The following CYP19A1 variants were observed in gnomAD, a reference collection of about 807,000 sequenced individuals.
CYP19A1 encodes cytochrome P450 family 19 subfamily A member 1.
In CYP19A1, 32 loss-of-function variants were observed where a neutral mutation model predicts 44.4. The observed-to-expected ratio is 0.72, with a 90% CI of 0.54 to 0.97. The LOEUF (loss-of-function observed/expected upper bound fraction) is 0.97. Ranked by LOEUF, CYP19A1 falls within the 50% of genes least tolerant of loss-of-function variation. CYP19A1 has a pLI of 0.00. For missense variants in CYP19A1, 598 were observed against 637.8 expected, an observed-to-expected ratio of 0.94 and a Z score of 0.67; for synonymous variants, 212 against 215.6, an observed-to-expected ratio of 0.98 and a Z score of 0.14.
chr15:51,336,002 T>A (rs1356019022), intron 1 of CYP19A1, among the ~76,000 whole-genome samples: 1 of 152,226 alleles, frequency 6.6e-6, no homozygotes, highest in Non-Finnish European at 1.5e-5. Flanking sequence ...CTCTCTGCAA[T>A]TCTCCTCACC....
chr15:51,294,246 A>G lies in CYP19A1; in HGVS notation c.-39+44249T>C, dbSNP rs1406362638. ...AAGTGACGAGCGCCTCTTCCCGGCC[A>G]CCATCCCATCTAGGAAGTGAGGAGC... On this transcript the variant is annotated intron_variant, in intron 1 of 9. Coordinates refer to ENST00000396402, the MANE Select transcript of CYP19A1 (RefSeq NM_000103.4). 1.3e-4 allele frequency among the ~76,000 whole-genome samples: 13 copies of G among 97,380 alleles called. No homozygotes were observed. The South Asian group carries it at 4.3e-3, about 32-fold the overall frequency. The allele number at this position is 97,380 out of a possible 152,430, so 63.9% of individuals were successfully genotyped here.
At chr15:51,258,315 CTTG>C (rs1356010523) in intron 1 of CYP19A1, among the ~76,000 whole-genome samples, 2 of 152,224 alleles carry the variant, frequency 1.3e-5, no homozygotes, top group Non-Finnish European at 2.9e-5. Flanking sequence ...GCCCACAGCA[CTTG>C]TTGTTCTCTC....
At chr15:51,329,095 T>C (rs1028939166) in intron 1 of CYP19A1, among the ~76,000 whole-genome samples, 1 of 152,180 alleles carries the variant, frequency 6.6e-6, no homozygotes, top group African/African-American at 2.4e-5. Flanking sequence ...AATAAATCTC[T>C]TTCTGTATAC....
intron 1 of CYP19A1, among the ~76,000 whole-genome samples, chr15:51,268,539 T>G (rs76043821): frequency 6.9e-6 from 1 of 144,508 alleles, no homozygotes; most frequent in Non-Finnish European, 1.5e-5. Context: ...CCTTTTTTTT[T>G]GGCTGTTTCA....
At chr15:51,328,146 G>A (rs2036641402) in intron 1 of CYP19A1, among the ~76,000 whole-genome samples, 1 of 152,182 alleles carries the variant, frequency 6.6e-6, no homozygotes, top group Admixed American at 6.5e-5. Context: ...CCAAAATGGT[G>A]AACAATCTTC....
At chr15:51,273,612 C>T (rs1265463699) in intron 1 of CYP19A1, among the ~76,000 whole-genome samples, 1 of 152,130 alleles carries the variant, frequency 6.6e-6, no homozygotes, top group Admixed American at 6.5e-5. Flanking sequence ...CCTAGCTGCA[C>T]AGCCCTTGGG....
chr15:51,263,713 A>T (rs1344109899), intron 1 of CYP19A1, among the ~76,000 whole-genome samples: 1 of 152,208 alleles, frequency 6.6e-6, no homozygotes, highest in Non-Finnish European at 1.5e-5. Context: ...GACAGGAGCA[A>T]ATCCAATGGA....
At chr15:51,314,992 G>T (rs578199073) in intron 1 of CYP19A1, among the ~76,000 whole-genome samples, 1 of 152,196 alleles carries the variant, frequency 6.6e-6, no homozygotes, top group African/African-American at 2.4e-5. Context: ...CCTGGCAACA[G>T]CTCCTAATTG....
At chr15:51,263,509 CTTTG>C (rs1165331655) in intron 1 of CYP19A1, among the ~76,000 whole-genome samples, 1 of 152,154 alleles carries the variant, frequency 6.6e-6, no homozygotes, top group African/African-American at 2.4e-5. Context: ...ACTTGCTTGG[CTTTG>C]TTTGTGAGGG....
At chr15:51,238,705 G>A (rs1249436640) in intron 2 of CYP19A1, among the ~76,000 whole-genome samples, 1 of 152,172 alleles carries the variant, frequency 6.6e-6, no homozygotes, top group Non-Finnish European at 1.5e-5. Context: ...TGTAAGCTGT[G>A]ACGCAGGAGA....
intron 1 of CYP19A1, among the ~76,000 whole-genome samples, chr15:51,337,135 G>T (rs2036789610): frequency 6.6e-6 from 1 of 152,204 alleles, no homozygotes; most frequent in Non-Finnish European, 1.5e-5. Context: ...TACAAAGTGT[G>T]ATTAGCTAAT....
Position 51,288,028 on chromosome 15 carries a change from C to G in CYP19A1, c.-38-45078G>C, listed in dbSNP as rs2035748506. On this transcript the variant is annotated intron_variant, in intron 1 of 9. Coordinates refer to ENST00000396402, the MANE Select transcript of CYP19A1 (RefSeq NM_000103.4). The stretch of plus-strand genomic sequence containing the variant: ...GAGTTTGACTAAATTTCTTAAGGCA[C>G]TGGAGTCTCTATTTTCCCCAGTCTA... Among the ~76,000 whole-genome samples, 2 of 152,188 alleles carry G rather than the reference C, an allele frequency of 1.3e-5. 1 individual carries two copies. Among genetic ancestry groups the G allele is most frequent in the South Asian group, 4.2e-4 (2 of 4,816 alleles).
Position 51,239,156 on chromosome 15 carries a change from G to A in CYP19A1, c.146-2147C>T, listed in dbSNP as rs79597583. Among the ~76,000 whole-genome samples the A allele has an allele frequency of 4.8e-3, 736 of 152,290 alleles. 4 individuals are homozygous for A. The highest frequency in any genetic ancestry group is 0.017 in the African/African-American group (694 of 41,546). ...TCTCAGATTTGGGAATGCTTATCTA[G>A]GCATGCAATGATGGTGGGAGCCTCT... On this transcript the variant is annotated intron_variant, in intron 2 of 9. Coordinates refer to ENST00000396402, the MANE Select transcript of CYP19A1 (RefSeq NM_000103.4).
At chr15:51,213,897 C>A (rs2031291306) in intron 8 of CYP19A1, among the ~76,000 whole-genome samples, 2 of 152,052 alleles carry the variant, frequency 1.3e-5, no homozygotes, top group Non-Finnish European at 2.9e-5. Context: ...TGGCACAGAA[C>A]CTGAGAACCT....
chr15:51,295,690 G>A (rs756623430), intron 1 of CYP19A1, among the ~76,000 whole-genome samples: 3 of 152,180 alleles, frequency 2.0e-5, no homozygotes, highest in Middle Eastern at 3.2e-3. Context: ...AGACAGATGT[G>A]GGACAGCACT....
intron 1 of CYP19A1, among the ~76,000 whole-genome samples, chr15:51,253,444 G>T (rs2034402356): frequency 6.6e-6 from 1 of 152,254 alleles, no homozygotes; most frequent in African/African-American, 2.4e-5. Flanking sequence ...GGGTAGTCGT[G>T]TAGCTCCCAA....
chr15:51,223,476 C>A (rs990152131), intron 4 of CYP19A1, among the ~76,000 whole-genome samples: 2 of 151,918 alleles, frequency 1.3e-5, no homozygotes, highest in Non-Finnish European at 2.9e-5. Flanking sequence ...TTCAGGTTTG[C>A]TGTTAACATC....
intron 1 of CYP19A1, among the ~76,000 whole-genome samples, chr15:51,303,081 T>A (rs1228653045): frequency 2.0e-5 from 3 of 152,218 alleles, no homozygotes; most frequent in Non-Finnish European, 2.9e-5. Context: ...TTCAGCCAAC[T>A]GTCACTGGGG....
intron 3 of CYP19A1, among the ~76,000 whole-genome samples, chr15:51,230,679 C>T (rs138794796): frequency 6.9e-5 from 10 of 144,682 alleles, no homozygotes; most frequent in African/African-American, 2.3e-4. Context: ...AGTGCAGTGG[C>T]GCAATCTCAG....
Sources: gnomAD v4.1 joint callset for allele counts (sites outside exome capture counted in the v4.1 genomes callset) on GRCh38, gnomAD v4.1.1 for gene constraint, MANE v1.5 for transcripts, NCBI Gene and HGNC (gene_info 2026-07-23, HGNC 2026-07-21) for gene names.